Variants in TBL1X observed in about 807,000 individuals in gnomAD.
The protein encoded by TBL1X is F-box-like/WD repeat-containing protein TBL1X.
A neutral mutation model predicts 50.7 loss-of-function variants in TBL1X; 10 were observed. That is an observed-to-expected ratio of 0.20 (90% CI 0.12 to 0.33). The LOEUF (loss-of-function observed/expected upper bound fraction) is 0.33, where lower values mean the gene tolerates loss of function less well. Among genes scored for constraint, TBL1X ranks in the 10% least tolerant of loss-of-function variants. The pLI, the probability that TBL1X is intolerant of heterozygous loss-of-function variation, is 1.00. For synonymous variants in TBL1X, 190 were observed against 214.7 expected (o/e 0.88, Z 1.01); for missense variants, 340 against 504.4 (o/e 0.67, Z 3.12).
intron 5 of TBL1X, among the ~76,000 whole-genome samples, chrX:9,655,449 A>G (rs948405199): frequency 1.8e-5 from 2 of 111,058 alleles, no homozygotes; most frequent in African/African-American, 6.6e-5. Flanking sequence ...CTCCAAGACA[A>G]TCTCATTTTA....
At chrX:9,638,579 T>G (rs1433049831) in intron 2 of TBL1X, among the ~76,000 whole-genome samples, 1 of 112,397 alleles carries the variant, frequency 8.9e-6, no homozygotes, top group Non-Finnish European at 1.9e-5. Flanking sequence ...ATATAAGAGA[T>G]AATCTCAAAT....
intron 2 of TBL1X, among the ~76,000 whole-genome samples, chrX:9,570,172 C>T (rs1435635383): frequency 8.9e-6 from 1 of 112,212 alleles, no homozygotes; most frequent in Non-Finnish European, 1.9e-5. Context: ...TTTGGTAAAA[C>T]GATTCCTCTC....
In TBL1X at chrX:9,653,561, G is replaced by A; in HGVS notation, c.-26G>A. 8.7e-7 allele frequency: 1 copy of A among 1,153,884 alleles called. No homozygotes were observed. Among genetic ancestry groups the A allele is most frequent in the Non-Finnish European group, 1.2e-6 (1 of 863,065 alleles). On this transcript the variant is annotated 5_prime_UTR_variant, in exon 4 of 18. Transcript: ENST00000645353. ...TTCCACCAGGAGCCCTGGCCTCCTT[G>A]CAGAAACATCGAGGTGACATGTAGC... is the stretch of plus-strand genomic sequence containing the variant.
At position 9,711,633 on chromosome X, in the gene TBL1X, C is replaced by A. The variant is rs776892102; in HGVS notation, c.1462C>A (p.Arg488=). 1 of 1,198,156 alleles carries A rather than the reference C, an allele frequency of 8.3e-7. No homozygotes were observed. Among genetic ancestry groups the A allele is most frequent in the South Asian group, 1.8e-5 (1 of 55,152 alleles). ...TAGTGCTTCGTTTGATTCTACGGTGCGACTGTGGGACATAGAACGAGGCGT... is the reference window on the plus strand; with the variant it reads ...TAGTGCTTCGTTTGATTCTACGGTGAGACTGTGGGACATAGAACGAGGCGT... ...LASASFDSTV[R]LWDIERGVCT... The change falls in exon 16 of 18, where the codon CGA becomes AGA. Residue 488 remains arginine (R), a synonymous_variant. Coordinates refer to ENST00000645353, the MANE Select transcript of TBL1X (RefSeq NM_005647.4).
intron 2 of TBL1X, among the ~76,000 whole-genome samples, chrX:9,582,454 A>G (rs2082447608): frequency 8.9e-6 from 1 of 112,493 alleles, no homozygotes; most frequent in Admixed American, 9.4e-5. Context: ...AGAATCCCTT[A>G]TTTTTACTTT....
intron 2 of TBL1X, among the ~76,000 whole-genome samples, chrX:9,580,715 A>AG (rs892202473): frequency 7.5e-4 from 83 of 111,237 alleles, no homozygotes; most frequent in Non-Finnish European, 1.3e-3. Flanking sequence ...TGCAGGGGGA[A>AG]GGGGGGGTGC....
chrX:9,697,471 A>G, intron 12 of TBL1X, 42 bp downstream of exon 12: 2 of 1,203,060 alleles, frequency 1.7e-6, no homozygotes, highest in Non-Finnish European at 2.2e-6. Context: ...TTTTTTTGTA[A>G]TTCAAAAATA....
intron 2 of TBL1X, among the ~76,000 whole-genome samples, chrX:9,591,891 A>AT (rs1417164019): frequency 8.9e-6 from 1 of 112,365 alleles, no homozygotes; most frequent in Non-Finnish European, 1.9e-5. Context: ...AAGGACTGGC[A>AT]TGGAGCATGG....
intron 2 of TBL1X, among the ~76,000 whole-genome samples, chrX:9,604,791 G>A (rs1050964336): frequency 9.0e-6 from 1 of 111,030 alleles, no homozygotes; most frequent in Admixed American, 9.5e-5. Context: ...CACCAGCGGG[G>A]CTTCTGAGCC....
chrX:9,714,729 A>G (rs1054761027), intron 16 of TBL1X, among the ~76,000 whole-genome samples, 173 bp from the exon 17 acceptor site: 3 of 112,700 alleles, frequency 2.7e-5, no homozygotes, highest in Non-Finnish European at 3.8e-5. Flanking sequence ...CGTGGTGGGA[A>G]GTCCTAGAGG....
chrX:9,477,849 C>T (rs188948685), intron 1 of TBL1X, among the ~76,000 whole-genome samples: 14 of 111,714 alleles, frequency 1.3e-4, no homozygotes, highest in South Asian at 3.7e-4. Flanking sequence ...CCTCCAGCCA[C>T]GGGCCACCAT....
intron 3 of TBL1X, among the ~76,000 whole-genome samples, chrX:9,651,011 CTTTTTTTTTTTTT>C (rs572743375): frequency 6.5e-5 from 2 of 30,913 alleles, no homozygotes; most frequent in African/African-American, 2.7e-4. Flanking sequence ...AGCTGCCAGC[CTTTTTTTTTTTTT>C]TTTTTTTTTT....
At chrX:9,548,097 G>T (rs895901790) in intron 2 of TBL1X, among the ~76,000 whole-genome samples, 81 of 108,925 alleles carry the variant, frequency 7.4e-4, no homozygotes, top group African/African-American at 2.5e-3. Context: ...TCGTTAGGAT[G>T]TATCTCACTG....
At chrX:9,659,064 A>T (rs1188426701) in intron 5 of TBL1X, among the ~76,000 whole-genome samples, 1 of 21,778 alleles carries the variant, frequency 4.6e-5, no homozygotes, top group African/African-American at 8.3e-5. Context: ...GGTTCAAGAG[A>T]TCCTCCCCCC....
At chrX:9,711,586 T>A (rs770713658) in intron 15 of TBL1X, 25 bp from the exon 16 acceptor site, 2 of 1,156,603 alleles carry the variant, frequency 1.7e-6, no homozygotes, top group Admixed American at 4.9e-5. Flanking sequence ...TGTATGTGAT[T>A]TTGCTTTCTC....
At chrX:9,598,576 A>T (rs718020) in intron 2 of TBL1X, among the ~76,000 whole-genome samples, 11,707 of 111,687 alleles carry the variant, frequency 0.1, 884 homozygotes, top group African/African-American at 0.27. Flanking sequence ...GATTCCATAA[A>T]TAGCTCGTGC....
At chrX:9,563,786 T>C (rs754357980) in intron 2 of TBL1X, among the ~76,000 whole-genome samples, 2 of 112,445 alleles carry the variant, frequency 1.8e-5, no homozygotes, top group African/African-American at 6.5e-5. Flanking sequence ...ATTTCCCTAT[T>C]GGGAATTCCA....
At chrX:9,653,361 C>G (rs1193202938) in intron 3 of TBL1X, among the ~76,000 whole-genome samples, 184 bp from the exon 4 acceptor site, 1 of 112,435 alleles carries the variant, frequency 8.9e-6, no homozygotes, top group Non-Finnish European at 1.9e-5. Flanking sequence ...TCTAAGAAAA[C>G]CAGACTCTGT....
intron 2 of TBL1X, among the ~76,000 whole-genome samples, chrX:9,552,787 T>A (rs187424840): frequency 8.9e-6 from 1 of 111,992 alleles, no homozygotes; most frequent in East Asian, 2.8e-4. Flanking sequence ...ATCTCCATCC[T>A]AATCCTGGAA....
Sources: gnomAD v4.1 joint callset for allele counts (sites outside exome capture counted in the v4.1 genomes callset) on GRCh38, gnomAD v4.1.1 for gene constraint, MANE v1.5 for transcripts, NCBI Gene and HGNC (gene_info 2026-07-23, HGNC 2026-07-21) for gene names.